Variants in ZNF571 observed in about 807,000 individuals in gnomAD.
The protein encoded by ZNF571 is zinc finger protein 571.
Under a neutral mutation model 7.7 loss-of-function variants are expected in ZNF571, and 4 were observed. That is an observed-to-expected ratio of 0.52 (90% CI 0.25 to 1.18). The LOEUF (loss-of-function observed/expected upper bound fraction) is 1.18, where lower values mean the gene tolerates loss of function less well. Ranked by LOEUF, ZNF571 falls within the 50% of genes most tolerant of loss-of-function variation. The pLI is 0.14. For synonymous variants in ZNF571, 251 were observed against 232.4 expected, an observed-to-expected ratio of 1.08 and a Z score of -0.73; for missense variants, 704 against 726.9, an observed-to-expected ratio of 0.97 and a Z score of 0.36.
Position 37,564,622 on chromosome 19 carries a change from A to T in ZNF571, c.1806T>A (p.Thr602=), listed in dbSNP as rs2147147034. The change falls in exon 4 of 4, where the codon ACT becomes ACA. Residue 602 remains threonine, a synonymous_variant. Coordinates refer to ENST00000451802, the MANE Select transcript of ZNF571 (RefSeq NM_016536.5). ...GKDFRCPSQL[T]QHTRLHN ...CTCAATTATGAAGCCTTGTATGTTGAGTAAGTTGTGAAGGACATCTAAAGT... is the reference window on the plus strand; with the variant it reads ...CTCAATTATGAAGCCTTGTATGTTGTGTAAGTTGTGAAGGACATCTAAAGT... 1 of 1,550,562 alleles carries T rather than the reference A, an allele frequency of 6.4e-7. No homozygotes were observed. Among genetic ancestry groups the T allele is most frequent in the East Asian group, 2.3e-5 (1 of 44,166 alleles).
At chr19:37,586,530 T>C in intron 2 of ZNF571, 138 bp downstream of exon 2, 1 of 907,334 alleles carries the variant, frequency 1.1e-6, no homozygotes, top group Admixed American at 2.1e-5. Context: ...TTTGCTACTA[T>C]TACTCGCTAG....
chr19:37,575,186 C>G (rs950270110), intron 3 of ZNF571, among the ~76,000 whole-genome samples: 4 of 152,166 alleles, frequency 2.6e-5, no homozygotes, highest in African/African-American at 7.2e-5. Context: ...TATGTCAGTA[C>G]TGAGAAAATA....
At chr19:37,567,370 T>C (rs1031505880) in intron 3 of ZNF571, among the ~76,000 whole-genome samples, 4 of 152,206 alleles carry the variant, frequency 2.6e-5, no homozygotes, top group Non-Finnish European at 4.4e-5. Context: ...ATGCTTCTCA[T>C]AAAACACAAA....
chr19:37,592,512 G>C (rs1042872683), intron 1 of ZNF571, among the ~76,000 whole-genome samples: 2 of 152,132 alleles, frequency 1.3e-5, no homozygotes, highest in African/African-American at 4.8e-5. Context: ...CAAAAACCAA[G>C]TTTCACCCAC....
At chr19:37,566,355 T>G (rs1360617658) in intron 3 of ZNF571, 64 bp from the exon 4 acceptor site, 1 of 1,493,476 alleles carries the variant, frequency 6.7e-7, no homozygotes, top group Non-Finnish European at 9.0e-7. Context: ...AATTCTATGG[T>G]AAAAATGATA....
rs1297952481 is a variant in ZNF571, at chr19:37,588,587, AACCT to A, written c.-69-1846_-69-1843del. Among the ~76,000 whole-genome samples the A allele has an allele frequency of 3.3e-5, 5 of 152,170 alleles. No homozygotes were observed. In the East Asian group the frequency reaches 7.7e-4, roughly 23 times the overall value. The stretch of plus-strand genomic sequence containing the variant: ...AGAGAAGGAGGAGGGCAAAGGAGCA[AACCT>A]ACCTACCTATCAGGTATCCTGCTCA... On this transcript the variant is annotated intron_variant, in intron 1 of 3. Coordinates refer to ENST00000451802, the MANE Select transcript of ZNF571 (RefSeq NM_016536.5).
chr19:37,581,543 G>A (rs566490080), intron 3 of ZNF571, among the ~76,000 whole-genome samples: 77 of 148,714 alleles, frequency 5.2e-4, no homozygotes, highest in African/African-American at 1.8e-3. Context: ...ATGGTTCACT[G>A]CAACCTCGAC....
Position 37,565,038 on chromosome 19 carries a change from G to A in ZNF571, c.1390C>T (p.Gln464Ter), listed in dbSNP as rs764153548. Reference sequence around the variant, plus strand: ...TTCTCACCATGAATTTTCTCATGTTGAGTAAGATATGCAACACGAATAAAG... The same window carrying A: ...TTCTCACCATGAATTTTCTCATGTTAAGTAAGATATGCAACACGAATAAAG... ...KAFIRVAYLT[Q>*]HEKIHGEKHY... is the part of the protein sequence containing the mutation. Residue 464 changes from glutamine (Q) to a stop codon, truncating the protein, a stop_gained, in exon 4 of 4, where the codon CAA becomes TAA. Transcript: ENST00000451802. LOFTEE classifies it low-confidence loss of function (END_TRUNC). The A allele has an allele frequency of 1.9e-6, 3 of 1,613,616 alleles. No homozygotes were observed. The highest frequency in any genetic ancestry group is 2.5e-6 in the Non-Finnish European group (3 of 1,179,764).
At chr19:37,584,279 G>A in intron 2 of ZNF571, 182 bp from the exon 3 acceptor site, 1 of 674,794 alleles carries the variant, frequency 1.5e-6, no homozygotes, top group Admixed American at 3.1e-5. Flanking sequence ...AACTTCCTCT[G>A]TACAATAGAA....
At chr19:37,567,172 C>G (rs1231437167) in intron 3 of ZNF571, among the ~76,000 whole-genome samples, 4 of 152,214 alleles carry the variant, frequency 2.6e-5, no homozygotes, top group African/African-American at 9.6e-5. Flanking sequence ...GCATTTTTCA[C>G]TAATGGATAT....
chr19:37,565,674 CAT>C lies in ZNF571; in HGVS notation c.752_753del (p.Tyr251Ter). 6.2e-7 allele frequency: 1 copy of C among 1,613,576 alleles called. No individual in the cohort carries two copies. The highest frequency in any genetic ancestry group is 1.3e-5 in the African/African-American group (1 of 74,996). On this transcript the variant is annotated frameshift_variant, in exon 4 of 4. Coordinates refer to ENST00000451802, the MANE Select transcript of ZNF571 (RefSeq NM_016536.5). LOFTEE classifies it low-confidence loss of function (END_TRUNC). ...HQRVHTGEKPYECKKCGKAFS... is the reference protein window; with the variant it reads ...HQRVHTGEKPXECKKCGKAFS... The stretch of plus-strand genomic sequence containing the variant: ...AAGGCTTTTCCACATTTCTTACATT[CAT>C]ATGGTTTCTCTCCTGTATGAACTCT...
At chr19:37,576,910 C>T in intron 3 of ZNF571, among the ~76,000 whole-genome samples, 1 of 151,126 alleles carries the variant, frequency 6.6e-6, no homozygotes, top group East Asian at 1.9e-4. Context: ...GCTTATATCC[C>T]TTTTTTTTTG....
chr19:37,585,432 C>T (rs2043636812), intron 2 of ZNF571: 1 of 152,222 alleles, frequency 6.6e-6, no homozygotes, highest in Admixed American at 6.5e-5. Flanking sequence ...AATGGGCTGA[C>T]CAGCCTGATA....
rs868237382 is a variant in ZNF571 at position 37,573,409 on chromosome 19, T to A, written c.137-7118A>T. On this transcript the variant is annotated intron_variant, in intron 3 of 3. Transcript: ENST00000451802. ...AGCAGCAACTGGTGAATCTGCCCAA[T>A]TTGGTTTTCACCCATAACTGCCATC... Among the ~76,000 whole-genome samples, 7 of 152,302 alleles carry A rather than the reference T, an allele frequency of 4.6e-5. No individual in the cohort carries two copies. In the South Asian group the frequency reaches 6.2e-4, roughly 14 times the overall value.
At chr19:37,567,531 T>G (rs2042902800) in intron 3 of ZNF571, 1 of 152,214 alleles carries the variant, frequency 6.6e-6, no homozygotes, top group African/African-American at 2.4e-5. Flanking sequence ...AGCCTCAAAT[T>G]GAGCCACTAC....
In ZNF571 at chr19:37,593,708, G is replaced by GCAAA. The variant is rs376323723; in HGVS notation, c.-70+1029_-70+1032dup. Among the ~76,000 whole-genome samples, 74 of 152,190 alleles carry GCAAA rather than the reference G, an allele frequency of 4.9e-4. 1 individual carries two copies. Among genetic ancestry groups the GCAAA allele is most frequent in the Admixed American group, 3.0e-3 (46 of 15,292 alleles). The stretch of plus-strand genomic sequence containing the variant: ...ACACAGCGAGAATCCGTCTCAAAAA[G>GCAAA]CAAACAAACAAACAAAAAAATCTTA... On this transcript the variant is annotated intron_variant, in intron 1 of 3. Coordinates refer to ENST00000451802, the MANE Select transcript of ZNF571 (RefSeq NM_016536.5).
chr19:37,591,895 T>C (rs1394670167), intron 1 of ZNF571, among the ~76,000 whole-genome samples: 2 of 152,172 alleles, frequency 1.3e-5, no homozygotes, highest in African/African-American at 4.8e-5. Context: ...AGTTCTTATA[T>C]ATAGAAGAAC....
In ZNF571 at chr19:37,569,287, A is replaced by G. The variant is rs1600471790; in HGVS notation, c.137-2996T>C. Among the ~76,000 whole-genome samples, 1 of 152,148 alleles carries G rather than the reference A, an allele frequency of 6.6e-6. No individual in the cohort carries two copies. Among genetic ancestry groups the G allele is most frequent in the South Asian group, 2.1e-4 (1 of 4,832 alleles). ...CCGGAACCACAACAAAAACCTACTC[A>G]GTAATGTTATGAGACCCTTTGTTCT... On this transcript the variant is annotated intron_variant, in intron 3 of 3. Coordinates refer to ENST00000451802, the MANE Select transcript of ZNF571 (RefSeq NM_016536.5). This position sits in a 1 kb window ranked among gnomAD's most constrained non-coding sequence, Gnocchi z 4.4.
At position 37,566,095 on chromosome 19, in the gene ZNF571, T is replaced by C. The variant is rs1344625369; in HGVS notation, c.333A>G (p.Lys111=). 1 of 1,614,068 alleles carries C rather than the reference T, an allele frequency of 6.2e-7. No homozygotes were observed. Among genetic ancestry groups the C allele is most frequent in the Non-Finnish European group, 8.5e-7 (1 of 1,179,942 alleles). The part of the protein sequence containing the change: ...ASQEGLYMCV[K]ITCEEKATES... ...CAGTGGCCTTTTCTTCACAGGTAAT[T>C]TTGACACACATGTAAAGCCCTTCCT... Residue 111 remains lysine, a synonymous_variant, in exon 4 of 4, where the codon AAA becomes AAG. Transcript: ENST00000451802.
Sources: gnomAD v4.1 joint callset for allele counts (sites outside exome capture counted in the v4.1 genomes callset) on GRCh38, gnomAD v4.1.1 for gene constraint, Gnocchi (gnomAD v3.1) non-coding constraint, MANE v1.5 for transcripts, NCBI Gene and HGNC (gene_info 2026-07-23, HGNC 2026-07-21) for gene names.